The following NSMCE1 variants were observed in gnomAD, a reference collection of about 807,000 sequenced individuals.
The protein encoded by NSMCE1 is non-structural maintenance of chromosomes element 1 homolog.
NSMCE1 carries 18 observed loss-of-function variants against 29.6 expected under a neutral mutation model. That is an observed-to-expected ratio of 0.61 (90% CI 0.42 to 0.90). NSMCE1 has a LOEUF of 0.90. Among genes scored for constraint, NSMCE1 ranks in the 40% least tolerant of loss-of-function variants. The pLI, the probability that NSMCE1 is intolerant of heterozygous loss-of-function variation, is 0.00. For missense variants in NSMCE1, 314 were observed against 343.6 expected (o/e 0.91, Z 0.68); for synonymous variants, 124 against 133.4 (o/e 0.93, Z 0.49).
At chr16:27,225,908 C>T (rs991798536) in intron 6 of NSMCE1, 62 bp from the exon 7 acceptor site, 27 of 1,598,616 alleles carry the variant, frequency 1.7e-5, no homozygotes, top group Admixed American at 6.7e-5. Flanking sequence ...TGCAAACCTC[C>T]GGGGAAGCCA....
Position 27,225,094 on chromosome 16 carries a change from T to C in NSMCE1, c.*63A>G. ...GAACCTGAAACACGGACGCCTTTCT[T>C]CCAAGAAGGGCTGTGGCGATCAGGC... is the stretch of plus-strand genomic sequence containing the variant. On this transcript the variant is annotated 3_prime_UTR_variant, in exon 8 of 8. Transcript: ENST00000361439. The C allele has an allele frequency of 1.1e-6, 1 of 932,478 alleles. No homozygotes were observed. Among genetic ancestry groups the C allele is most frequent in the Non-Finnish European group, 1.7e-6 (1 of 582,310 alleles). The allele number at this position is 932,478 out of a possible 1,614,324, so 57.8% of individuals were successfully genotyped here.
At chr16:27,261,041 C>T (rs1333057310) in intron 1 of NSMCE1, among the ~76,000 whole-genome samples, 2 of 151,044 alleles carry the variant, frequency 1.3e-5, no homozygotes, top group African/African-American at 4.9e-5. Context: ...GTGGTGCGTG[C>T]CTATAGTCCC....
At chr16:27,238,546 T>C (rs76248670) in intron 2 of NSMCE1, among the ~76,000 whole-genome samples, 1 of 86,012 alleles carries the variant, frequency 1.2e-5, no homozygotes, top group African/African-American at 5.7e-5. Context: ...TTTTTTCTTT[T>C]TTTTTTTTTA....
chr16:27,236,292 CTTTTTT>C (rs35108912), intron 2 of NSMCE1, among the ~76,000 whole-genome samples: 2 of 92,110 alleles, frequency 2.2e-5, no homozygotes, highest in South Asian at 3.8e-4. Context: ...TGCTGTGAAA[CTTTTTT>C]TTTTTTTTTT....
At chr16:27,228,704 C>T (rs1451950274) in intron 5 of NSMCE1, among the ~76,000 whole-genome samples, 2 of 129,596 alleles carry the variant, frequency 1.5e-5, no homozygotes, top group African/African-American at 6.1e-5. Context: ...CATCCCCAGC[C>T]ACCACCCTCT....
intron 6 of NSMCE1, chr16:27,226,165 G>A (rs999010669): frequency 1.3e-5 from 3 of 239,792 alleles, no homozygotes; most frequent in Non-Finnish European, 8.2e-6. Flanking sequence ...ATTTGCTAAT[G>A]TGAATCAAAA....
chr16:27,240,515 C>T (rs2083882190), intron 2 of NSMCE1, among the ~76,000 whole-genome samples: 1 of 152,210 alleles, frequency 6.6e-6, no homozygotes, highest in Non-Finnish European at 1.5e-5. Context: ...GCCCTGAGCA[C>T]TGGGCCAGGT....
At chr16:27,260,858 CAA>C (rs55762579) in intron 1 of NSMCE1, among the ~76,000 whole-genome samples, 8,052 of 87,936 alleles carry the variant, frequency 0.092, 743 homozygotes, top group African/African-American at 0.27. Flanking sequence ...GACCCTGTCT[CAA>C]AAAAAAAAAA....
At chr16:27,231,878 T>C (rs1021140866) in intron 5 of NSMCE1, among the ~76,000 whole-genome samples, 1 of 152,150 alleles carries the variant, frequency 6.6e-6, no homozygotes, top group African/African-American at 2.4e-5. Flanking sequence ...AACTAAGCTA[T>C]GGAGCCACTG....
At chr16:27,239,826 T>C (rs557105210) in intron 2 of NSMCE1, among the ~76,000 whole-genome samples, 5 of 152,258 alleles carry the variant, frequency 3.3e-5, no homozygotes, top group Admixed American at 2.0e-4. Context: ...CTAAACACAG[T>C]GCTATCTGTG....
intron 5 of NSMCE1, among the ~76,000 whole-genome samples, chr16:27,231,574 T>C (rs567844943): frequency 3.6e-4 from 54 of 151,488 alleles, no homozygotes; most frequent in African/African-American, 1.3e-3. Flanking sequence ...GAGGTTGAGG[T>C]TGCGGTGAGC....
intron 2 of NSMCE1, among the ~76,000 whole-genome samples, chr16:27,251,159 A>AATATATATATATATATAT (rs1166070119): frequency 1.4e-3 from 91 of 65,696 alleles, no homozygotes; most frequent in East Asian, 3.5e-3. Context: ...AATTATTTAA[A>AATATATATATATATATAT]ATATATATAT....
At chr16:27,227,055 CCT>C (rs1276978131) in intron 5 of NSMCE1, among the ~76,000 whole-genome samples, 2 of 152,254 alleles carry the variant, frequency 1.3e-5, no homozygotes, top group Non-Finnish European at 2.9e-5. Flanking sequence ...GGCGTGGCTC[CCT>C]GACACCCGCC....
intron 2 of NSMCE1, among the ~76,000 whole-genome samples, chr16:27,248,404 T>A (rs908934073): frequency 3.5e-5 from 5 of 143,864 alleles, no homozygotes; most frequent in African/African-American, 1.0e-4. Flanking sequence ...GGTTTTAGTT[T>A]GCTTTTTTTT....
chr16:27,228,312 G>C (rs2083724922), intron 5 of NSMCE1, among the ~76,000 whole-genome samples: 1 of 152,114 alleles, frequency 6.6e-6, no homozygotes, highest in Non-Finnish European at 1.5e-5. Flanking sequence ...CCAGGTGCTT[G>C]TGCCCTGCAC....
chr16:27,251,186 ATATAAATATATATATATAT>A (rs1567281258), intron 2 of NSMCE1, among the ~76,000 whole-genome samples: 4 of 97,206 alleles, frequency 4.1e-5, no homozygotes, highest in African/African-American at 3.4e-4. Flanking sequence ...ATATATATAT[ATATAAATATATATATATAT>A]ATAAAACTCT....
chr16:27,256,449 T>G (rs942676810), intron 2 of NSMCE1, among the ~76,000 whole-genome samples: 23 of 152,252 alleles, frequency 1.5e-4, no homozygotes, highest in Admixed American at 6.5e-5. Flanking sequence ...CTGCGTCTTC[T>G]TCTGGTCCAC....
At chr16:27,244,608 T>C (rs552058878) in intron 2 of NSMCE1, among the ~76,000 whole-genome samples, 1 of 152,276 alleles carries the variant, frequency 6.6e-6, no homozygotes, top group African/African-American at 2.4e-5. Flanking sequence ...CGCATATCTC[T>C]GCAGGGCTGC....
intron 2 of NSMCE1, among the ~76,000 whole-genome samples, chr16:27,237,019 G>A (rs1223558623): frequency 1.3e-5 from 2 of 152,184 alleles, no homozygotes; most frequent in Admixed American, 1.3e-4. Flanking sequence ...AAGAGTCAAG[G>A]AAAACCCAGG....
Sources: allele counts gnomAD v4.1 joint callset (sites outside exome capture counted in the v4.1 genomes callset), GRCh38; gene constraint gnomAD v4.1.1; transcripts MANE v1.5; gene names NCBI Gene and HGNC (gene_info 2026-07-23, HGNC 2026-07-21).